FSIP1: variants seen among roughly 807,000 people sequenced by gnomAD.
The protein encoded by FSIP1 is fibrous sheath-interacting protein 1.
A neutral mutation model predicts 60.9 loss-of-function variants in FSIP1; 65 were observed. The observed-to-expected ratio is 1.07, with a 90% CI of 0.87 to 1.31. The LOEUF (loss-of-function observed/expected upper bound fraction) is 1.31, where lower values mean the gene tolerates loss of function less well. FSIP1 is among the 40% of genes most tolerant of loss of function. The pLI, the probability that FSIP1 is intolerant of heterozygous loss-of-function variation, is 0.00. For synonymous variants in FSIP1, 209 were observed against 221.2 expected, an observed-to-expected ratio of 0.94 and a Z score of 0.49; for missense variants, 675 against 665.5, an observed-to-expected ratio of 1.01 and a Z score of -0.16.
intron 6 of FSIP1, among the ~76,000 whole-genome samples, chr15:39,740,816 CTT>C (rs1896778515): frequency 6.6e-6 from 1 of 151,778 alleles, no homozygotes; most frequent in Non-Finnish European, 1.5e-5. Context: ...AGTAAGATCT[CTT>C]GATTAAAATT....
At chr15:39,646,520 C>CAAA (rs71132108) in intron 10 of FSIP1, among the ~76,000 whole-genome samples, 1,431 of 27,060 alleles carry the variant, frequency 0.053, 454 homozygotes, top group African/African-American at 0.12. Flanking sequence ...CTCATCTCTA[C>CAAA]AAAAAAAAAA....
In FSIP1 at chr15:39,683,853, C is replaced by T. The variant is rs145794439; in HGVS notation, c.1188+29591G>A. Among the ~76,000 whole-genome samples the T allele has an allele frequency of 1.6e-4, 25 of 152,254 alleles. No individual in the cohort carries two copies. In the East Asian group the frequency reaches 4.6e-3, roughly 28 times the overall value. ...AGAAAAAATACCACTTACAGTGTTACAATTTATACTTAAGTACAGGTCTCA... is the reference window on the plus strand; with the variant it reads ...AGAAAAAATACCACTTACAGTGTTATAATTTATACTTAAGTACAGGTCTCA... On this transcript the variant is annotated intron_variant, in intron 10 of 11. Transcript: ENST00000350221.
At chr15:39,727,494 T>C (rs1321381780) in intron 8 of FSIP1, among the ~76,000 whole-genome samples, 1 of 152,212 alleles carries the variant, frequency 6.6e-6, no homozygotes, top group Non-Finnish European at 1.5e-5. Context: ...TGATCAGGTC[T>C]GTATTTTAAA....
chr15:39,611,833 T>C (rs1891047364), intron 11 of FSIP1, among the ~76,000 whole-genome samples: 2 of 152,140 alleles, frequency 1.3e-5, no homozygotes, highest in South Asian at 2.1e-4. Context: ...AGTTACTCCA[T>C]GCAAATGAAA....
At position 39,654,731 on chromosome 15, in the gene FSIP1, C is replaced by T. The variant is rs115683154; in HGVS notation, c.1189-36486G>A. Among the ~76,000 whole-genome samples the T allele has an allele frequency of 9.2e-3, 1,408 of 152,324 alleles. 28 individuals are homozygous for T. The highest frequency in any genetic ancestry group is 0.033 in the African/African-American group (1,355 of 41,572). ...AGCTAGTTCACAAGGACAACCACAT[C>T]AGTCAGGAAGACCTGTGACCCAATG... is the stretch of plus-strand genomic sequence containing the variant. On this transcript the variant is annotated intron_variant, in intron 10 of 11. Transcript: ENST00000350221.
rs759819789 is a variant in FSIP1, at chr15:39,697,107, T to C, written c.1188+16337A>G. ...CTACGAAAATAAATTTAAACTGTAA[T>C]CACATTTGCATAGCCACTTTATAAT... On this transcript the variant is annotated intron_variant, in intron 10 of 11. Coordinates refer to ENST00000350221, the MANE Select transcript of FSIP1 (RefSeq NM_152597.5). Among the ~76,000 whole-genome samples the C allele has an allele frequency of 3.3e-5, 5 of 152,134 alleles. No homozygotes were observed. The South Asian group carries it at 1.0e-3, about 32-fold the overall frequency.
At chr15:39,714,047 C>T (rs115524401) in intron 9 of FSIP1, among the ~76,000 whole-genome samples, 234 of 152,282 alleles carry the variant, frequency 1.5e-3, no homozygotes, top group African/African-American at 5.4e-3. Context: ...TGCCTGGTTC[C>T]TGACTAGACT....
At chr15:39,782,220 G>T (rs903603311) in intron 1 of FSIP1, among the ~76,000 whole-genome samples, 3 of 152,202 alleles carry the variant, frequency 2.0e-5, no homozygotes, top group African/African-American at 7.2e-5. Flanking sequence ...CTGTGAATTT[G>T]GTTTACATTT....
intron 8 of FSIP1, among the ~76,000 whole-genome samples, chr15:39,730,179 A>G (rs1426861272): frequency 2.6e-5 from 4 of 152,044 alleles, no homozygotes; most frequent in Admixed American, 1.3e-4. Flanking sequence ...TAGGGATTCT[A>G]TAGATGAAGT....
At chr15:39,733,551 C>A (rs1896493652) in intron 8 of FSIP1, among the ~76,000 whole-genome samples, 2 of 152,182 alleles carry the variant, frequency 1.3e-5, no homozygotes, top group African/African-American at 4.8e-5. Context: ...GACATGATCC[C>A]CATTTCTACC....
At chr15:39,738,738 C>T (rs1355672857) in intron 7 of FSIP1, among the ~76,000 whole-genome samples, 1 of 152,144 alleles carries the variant, frequency 6.6e-6, no homozygotes, top group South Asian at 2.1e-4. Context: ...AGAAAATAAA[C>T]ATACAACAGG....
intron 10 of FSIP1, among the ~76,000 whole-genome samples, chr15:39,627,517 G>A (rs574805745): frequency 2.0e-5 from 3 of 152,288 alleles, no homozygotes; most frequent in African/African-American, 7.2e-5. Flanking sequence ...GGCAGTGAAG[G>A]AGTTACTTTC....
chr15:39,683,317 A>G (rs768570343), intron 10 of FSIP1, among the ~76,000 whole-genome samples: 7 of 152,216 alleles, frequency 4.6e-5, no homozygotes, highest in Admixed American at 6.5e-5. Context: ...CCAGATTATC[A>G]GATTAAAAGG....
intron 5 of FSIP1, among the ~76,000 whole-genome samples, chr15:39,760,038 T>C (rs1441063902): frequency 6.6e-6 from 1 of 152,098 alleles, no homozygotes; most frequent in Non-Finnish European, 1.5e-5. Flanking sequence ...ATTGCAATAA[T>C]TGACTAAGGA....
At chr15:39,778,632 GTAAA>G (rs1293298035) in intron 1 of FSIP1, among the ~76,000 whole-genome samples, 1 of 152,140 alleles carries the variant, frequency 6.6e-6, no homozygotes, top group Non-Finnish European at 1.5e-5. Flanking sequence ...CAATCAATAT[GTAAA>G]TAGTTATAAT....
intron 2 of FSIP1, among the ~76,000 whole-genome samples, chr15:39,770,924 C>T (rs1182224678): frequency 1.3e-5 from 2 of 152,226 alleles, no homozygotes; most frequent in Non-Finnish European, 2.9e-5. Context: ...TGAGCTCACA[C>T]TGGGATGGGC....
intron 10 of FSIP1, among the ~76,000 whole-genome samples, chr15:39,700,944 G>C (rs972873009): frequency 6.6e-6 from 1 of 152,110 alleles, no homozygotes; most frequent in African/African-American, 2.4e-5. Flanking sequence ...TTGAGCCCAC[G>C]AGTTCAAGAC....
chr15:39,606,517 T>C (rs1333008474), intron 11 of FSIP1, among the ~76,000 whole-genome samples: 1 of 152,230 alleles, frequency 6.6e-6, no homozygotes, highest in Non-Finnish European at 1.5e-5. Context: ...TATTGTTGAC[T>C]ATAGTCACCC....
chr15:39,668,183 G>A (rs537773726), intron 10 of FSIP1, among the ~76,000 whole-genome samples: 3 of 136,210 alleles, frequency 2.2e-5, no homozygotes, highest in East Asian at 4.2e-4. Flanking sequence ...ATCTTCTAAT[G>A]AACTATATCA....
Sources: gnomAD v4.1 joint callset for allele counts (sites outside exome capture counted in the v4.1 genomes callset) on GRCh38, gnomAD v4.1.1 for gene constraint, MANE v1.5 for transcripts, NCBI Gene and HGNC (gene_info 2026-07-23, HGNC 2026-07-21) for gene names.